Variants in PLEKHA5 observed in about 807,000 individuals in gnomAD.
The protein encoded by PLEKHA5 is pleckstrin homology domain containing A5.
Under a neutral mutation model 181.9 loss-of-function variants are expected in PLEKHA5, and 55 were observed. That is an observed-to-expected ratio of 0.30 (90% confidence interval 0.24 to 0.38). The LOEUF is 0.38. Ranked by LOEUF, PLEKHA5 falls within the 10% of genes least tolerant of loss-of-function variation. The pLI, the probability that PLEKHA5 is intolerant of heterozygous loss-of-function variation, is 1.00. For missense variants in PLEKHA5, 1,432 were observed against 1,549.5 expected, an observed-to-expected ratio of 0.92 and a Z score of 1.27; for synonymous variants, 535 against 529.4, an observed-to-expected ratio of 1.01 and a Z score of -0.15.
Position 19,322,508 on chromosome 12 carries a change from A to G in PLEKHA5, c.2299-10A>G. On this transcript the variant is annotated splice_polypyrimidine_tract_variant and intron_variant, in intron 19 of 31. Transcript: ENST00000429027. ...CAGAACATTAAGTGTAATTCTTTTT[A>G]TCATAATAGTACACGCTTGAGCAAG... is the stretch of plus-strand genomic sequence containing the variant. 6.2e-7 allele frequency: 1 copy of G among 1,613,388 alleles called. No individual in the cohort carries two copies.
intron 12 of PLEKHA5, 75 bp downstream of exon 12, chr12:19,283,820 A>C (rs1488065627): frequency 2.3e-6 from 2 of 879,756 alleles, no homozygotes; most frequent in Non-Finnish European, 3.5e-6. Context: ...TACTATTTTA[A>C]ATGTGAGAGA....
rs1399099739 is a variant in PLEKHA5 at position 19,334,882 on chromosome 12, A to G, written c.2449-1633A>G. On this transcript the variant is annotated intron_variant, in intron 20 of 31. Transcript: ENST00000429027. The stretch of plus-strand genomic sequence containing the variant: ...TATATATATATATCTCTGTATACGC[A>G]CACACACACAAAATATTAGCCGGGC... Among the ~76,000 whole-genome samples, 3 of 101,228 alleles carry G rather than the reference A, an allele frequency of 3.0e-5. 1 individual carries two copies. The highest frequency in any genetic ancestry group is 6.4e-5 in the Non-Finnish European group (3 of 47,166). The allele number at this position is 101,228 out of a possible 152,430, so 66.4% of individuals were successfully genotyped here.
At chr12:19,230,722 C>T (rs2060405878) in intron 3 of PLEKHA5, among the ~76,000 whole-genome samples, 2 of 152,130 alleles carry the variant, frequency 1.3e-5, no homozygotes, top group African/African-American at 4.8e-5. Context: ...ACCCCGGTTC[C>T]CACCGGCACC....
In PLEKHA5 at chr12:19,336,487, T is replaced by G. The variant is rs1405593010; in HGVS notation, c.2449-28T>G. On this transcript the variant is annotated intron_variant, in intron 20 of 31. Transcript: ENST00000429027. ...CACCATAAAAGCACATTTTCCCCAT[T>G]AAAGTAATTAACACTTTTTGGTTTT... 3.5e-6 allele frequency: 4 copies of G among 1,158,590 alleles called. No individual in the cohort carries two copies. The South Asian group carries it at 3.8e-5, about 11-fold the overall frequency. The allele number at this position is 1,158,590 out of a possible 1,614,324, so 71.8% of individuals were successfully genotyped here.
At chr12:19,209,992 C>T (rs890504241) in intron 3 of PLEKHA5, among the ~76,000 whole-genome samples, 13 of 152,134 alleles carry the variant, frequency 8.5e-5, no homozygotes, top group Non-Finnish European at 1.8e-4. Flanking sequence ...GCATACATCT[C>T]ATCATCCTGT....
chr12:19,167,486 A>G (rs776570952), intron 3 of PLEKHA5, among the ~76,000 whole-genome samples: 10 of 119,708 alleles, frequency 8.4e-5, no homozygotes, highest in Admixed American at 3.6e-4. Context: ...TGTGTGCGTG[A>G]TTCTTAGTTA....
At chr12:19,307,260 G>A (rs951852169) in intron 15 of PLEKHA5, 8 of 469,406 alleles carry the variant, frequency 1.7e-5, no homozygotes, top group Admixed American at 1.1e-4. Context: ...ATCACTTGAG[G>A]TCAGGAGTTC....
At position 19,376,358 on chromosome 12, in the gene PLEKHA5, ATT is replaced by A. The variant is rs561775808; in HGVS notation, c.*841_*842del. The A allele has an allele frequency of 2.4e-3, 364 of 152,590 alleles. 2 individuals carry two copies. Among genetic ancestry groups the A allele is most frequent in the Non-Finnish European group, 3.5e-3 (238 of 68,006 alleles). 9.5% of individuals were successfully genotyped at this position (152,590 alleles called of 1,614,324 possible). On this transcript the variant is annotated 3_prime_UTR_variant, in exon 32 of 32. Transcript: ENST00000429027. ...GTTTAAATGCAAATGTTCATATCTC[ATT>A]TCTTTTTTTATCATGTTAAATAAAT... is the stretch of plus-strand genomic sequence containing the variant.
chr12:19,198,308 T>G (rs556832459), intron 3 of PLEKHA5, among the ~76,000 whole-genome samples: 1 of 152,298 alleles, frequency 6.6e-6, no homozygotes, highest in East Asian at 1.9e-4. Flanking sequence ...CATACTCTAG[T>G]CACAGAGGCC....
intron 3 of PLEKHA5, among the ~76,000 whole-genome samples, chr12:19,154,956 T>C (rs1385364709): frequency 6.6e-6 from 1 of 152,126 alleles, no homozygotes; most frequent in Non-Finnish European, 1.5e-5. Context: ...TATGTGTCAG[T>C]ATTAGGTCAA....
chr12:19,288,165 C>T (rs977930381), intron 13 of PLEKHA5: 1 of 251,080 alleles, frequency 4.0e-6, no homozygotes, highest in South Asian at 4.6e-5. Flanking sequence ...ACAGAAGTTG[C>T]AGTAATTCAT....
intron 3 of PLEKHA5, among the ~76,000 whole-genome samples, chr12:19,237,401 TACTC>T (rs1357416422): frequency 2.0e-5 from 3 of 152,268 alleles, no homozygotes; most frequent in Non-Finnish European, 4.4e-5. Context: ...ATTTTTAACT[TACTC>T]ACAGAAGATG....
At chr12:19,173,168 C>T (rs1234466196) in intron 3 of PLEKHA5, among the ~76,000 whole-genome samples, 2 of 149,462 alleles carry the variant, frequency 1.3e-5, no homozygotes, top group African/African-American at 2.5e-5. Context: ...GGACTACAGG[C>T]GCCCGCCACC....
intron 8 of PLEKHA5, among the ~76,000 whole-genome samples, chr12:19,268,496 C>T (rs766036831): frequency 6.6e-6 from 1 of 152,188 alleles, no homozygotes; most frequent in South Asian, 2.1e-4. Context: ...CACTTTCTCT[C>T]TTCTGTGATG....
In PLEKHA5 at chr12:19,358,325, A is replaced by C; in HGVS notation, c.3236A>C (p.Gln1079Pro). 1.2e-6 allele frequency: 2 copies of C among 1,613,866 alleles called. No individual in the cohort carries two copies. Among genetic ancestry groups the C allele is most frequent in the South Asian group, 2.2e-5 (2 of 91,084 alleles). ...CAAATGGAAAGAATAAGAAGACATC[A>C]ACAAGCGTGCCTGAGGGAGAAGAAA... The part of the protein sequence containing the change: ...EEQMERIRRH[Q>P]QACLREKKKG... The change falls in exon 27 of 32, where the codon CAA becomes CCA. Residue 1079 changes from glutamine (Q) to proline (P), a missense_variant. Gln to Pro is a moderately conservative substitution (Grantham distance 76). Around this residue, in one of 2 missense-constraint regions of PLEKHA5, gnomAD observed 1,143 missense variants for 1,168.4 expected, o/e 0.98. Coordinates refer to ENST00000429027, the MANE Select transcript of PLEKHA5 (RefSeq NM_001256470.2).
At chr12:19,351,902 T>C (rs868735021) in intron 25 of PLEKHA5, among the ~76,000 whole-genome samples, 19 of 152,000 alleles carry the variant, frequency 1.3e-4, no homozygotes, top group African/African-American at 4.3e-4. Context: ...GGCGAAACCC[T>C]GTCTCTACTA....
At chr12:19,154,596 A>G (rs1401481872) in intron 3 of PLEKHA5, 1 of 152,218 alleles carries the variant, frequency 6.6e-6, no homozygotes, top group African/African-American at 2.4e-5. Flanking sequence ...TAATTGGAAT[A>G]AAGGTGACTC....
intron 3 of PLEKHA5, among the ~76,000 whole-genome samples, chr12:19,233,195 A>G (rs1329569324): frequency 6.6e-6 from 1 of 152,204 alleles, no homozygotes; most frequent in Non-Finnish European, 1.5e-5. Flanking sequence ...GGTATGTGCT[A>G]TACCAAAATA....
chr12:19,332,522 A>T (rs1565627365), intron 20 of PLEKHA5, among the ~76,000 whole-genome samples: 1 of 152,152 alleles, frequency 6.6e-6, no homozygotes, highest in Non-Finnish European at 1.5e-5. Context: ...TACATTGCCC[A>T]GATGGGAGTG....
Sources: gnomAD v4.1 joint callset for allele counts (sites outside exome capture counted in the v4.1 genomes callset) on GRCh38, gnomAD v4.1.1 for gene constraint, gnomAD v4.1.1 regional missense constraint, MANE v1.5 for transcripts, NCBI Gene and HGNC (gene_info 2026-07-23, HGNC 2026-07-21) for gene names.